The following KLF12 variants were observed in gnomAD, a reference collection of about 807,000 sequenced individuals.
KLF12 encodes KLF transcription factor 12, also known as Krueppel-like factor 12.
Under a neutral mutation model 37.8 loss-of-function variants are expected in KLF12, and 9 were observed. The ratio of observed to expected loss-of-function variants is 0.24; its 90% CI spans 0.14 to 0.42. The LOEUF is 0.42. Ranked by LOEUF, KLF12 falls within the 10% of genes least tolerant of loss-of-function variation. The pLI is 1.00. For synonymous variants in KLF12, 208 were observed against 202.1 expected (o/e 1.03, Z -0.25); for missense variants, 411 against 516.0 (o/e 0.80, Z 1.97).
chr13:73,865,344 G>A (rs979837639), intron 3 of KLF12, among the ~76,000 whole-genome samples: 1 of 152,110 alleles, frequency 6.6e-6, no homozygotes. Context: ...AAAAAGAAAA[G>A]CCCAAATTTC....
chr13:73,806,649 C>CAAAAAAAAAA (rs11482328), intron 5 of KLF12, among the ~76,000 whole-genome samples: 5 of 108,294 alleles, frequency 4.6e-5, no homozygotes, highest in African/African-American at 7.3e-5. Context: ...AAAAAACAAA[C>CAAAAAAAAAA]AAAAAAAAAA....
chr13:74,204,524 A>G, the KLF12 span, among the ~76,000 whole-genome samples: 1 of 152,064 alleles, frequency 6.6e-6, no homozygotes, highest in African/African-American at 2.4e-5. Flanking sequence ...TTTTTCCTTA[A>G]GTTTGGAAAT....
At chr13:74,096,685 T>C (rs1876005843) in intron 1 of KLF12, among the ~76,000 whole-genome samples, 1 of 152,176 alleles carries the variant, frequency 6.6e-6, no homozygotes, top group Non-Finnish European at 1.5e-5. Context: ...CCTTTTATCC[T>C]TGGTTCACAA....
At chr13:74,047,320 G>A (rs767204528) in intron 1 of KLF12, among the ~76,000 whole-genome samples, 1 of 152,176 alleles carries the variant, frequency 6.6e-6, no homozygotes, top group South Asian at 2.1e-4. Flanking sequence ...GGCCAGGCGC[G>A]GTGGCTCACC....
chr13:74,199,563 T>C, the KLF12 span, among the ~76,000 whole-genome samples: 1 of 152,128 alleles, frequency 6.6e-6, no homozygotes, highest in African/African-American at 2.4e-5. Context: ...ACATCTCAAA[T>C]ATTGGCACAC....
chr13:74,152,391 G>A, the KLF12 span, among the ~76,000 whole-genome samples: 1 of 152,018 alleles, frequency 6.6e-6, no homozygotes, highest in Non-Finnish European at 1.5e-5. Context: ...TCAAACATTA[G>A]CTTTTACCCT....
chr13:74,172,731 G>A, the KLF12 span, among the ~76,000 whole-genome samples: 1 of 152,122 alleles, frequency 6.6e-6, no homozygotes, highest in Non-Finnish European at 1.5e-5. Context: ...CATACCACAG[G>A]CAATTGGAAT....
chr13:74,104,333 C>G (rs1393144164), intron 1 of KLF12, among the ~76,000 whole-genome samples: 1 of 152,322 alleles, frequency 6.6e-6, no homozygotes, highest in African/African-American at 2.4e-5. Flanking sequence ...TACAGCTCGA[C>G]ATTTCTGCAC....
intron 5 of KLF12, among the ~76,000 whole-genome samples, chr13:73,778,373 G>C (rs960679401): frequency 2.0e-5 from 3 of 151,856 alleles, no homozygotes; most frequent in Non-Finnish European, 4.4e-5. Flanking sequence ...CTTGAGTCAG[G>C]GTCTCCCTCT....
chr13:74,093,548 A>G (rs1031777956), intron 1 of KLF12, among the ~76,000 whole-genome samples: 3 of 152,178 alleles, frequency 2.0e-5, no homozygotes, highest in African/African-American at 7.2e-5. Flanking sequence ...TGTAAACTAT[A>G]AATAACCATA....
At chr13:73,856,981 C>T (rs1364079485) in intron 3 of KLF12, among the ~76,000 whole-genome samples, 4 of 152,006 alleles carry the variant, frequency 2.6e-5, no homozygotes, top group Admixed American at 6.5e-5. Flanking sequence ...GAGTGAAACC[C>T]TGTCTCAAAA....
the KLF12 span, among the ~76,000 whole-genome samples, chr13:74,305,004 T>A: frequency 6.6e-6 from 1 of 152,136 alleles, no homozygotes; most frequent in Admixed American, 6.6e-5. Context: ...AGGTGAAAGA[T>A]GGTAACCATC....
intron 7 of KLF12, among the ~76,000 whole-genome samples, chr13:73,706,977 A>G (rs1025481212): frequency 6.6e-6 from 1 of 152,186 alleles, no homozygotes; most frequent in African/African-American, 2.4e-5. Context: ...CTCTATGTTA[A>G]TTAAAGCCTT....
the KLF12 span, among the ~76,000 whole-genome samples, chr13:74,243,110 C>T: frequency 6.6e-6 from 1 of 152,058 alleles, no homozygotes; most frequent in African/African-American, 2.4e-5. Flanking sequence ...TCCCCTTGTC[C>T]CCCACCCCTG....
At chr13:74,275,874 CTTTCTTCTTTCTTTCT>C in the KLF12 span, among the ~76,000 whole-genome samples, 5 of 84,472 alleles carry the variant, frequency 5.9e-5, no homozygotes, top group African/African-American at 1.4e-4. Flanking sequence ...TTCTATCTTT[CTTTCTTCTTTCTTTCT>C]TTCTTTCTTT....
chr13:73,689,404 G>A lies in KLF12; in HGVS notation c.*6086C>T, dbSNP rs1232681416. ...TTACCCGATGTGTGACTCTCCATGA[G>A]TATAATTTTACTGATAGCCTCAGTA... is the stretch of plus-strand genomic sequence containing the variant. On this transcript the variant is annotated 3_prime_UTR_variant, in exon 8 of 8. Coordinates refer to ENST00000377669, the MANE Select transcript of KLF12 (RefSeq NM_007249.5). 1 of 152,136 alleles carries A rather than the reference G, an allele frequency of 6.6e-6. No homozygotes were observed. Among genetic ancestry groups the A allele is most frequent in the African/African-American group, 2.4e-5 (1 of 41,424 alleles). 9.4% of individuals were successfully genotyped at this position (152,136 alleles called of 1,614,324 possible). A position where few individuals can be genotyped will look rare whatever the true frequency, so the allele number is the denominator to read the frequency against.
At chr13:74,288,673 T>C in the KLF12 span, among the ~76,000 whole-genome samples, 5 of 152,132 alleles carry the variant, frequency 3.3e-5, no homozygotes, top group African/African-American at 9.7e-5. Context: ...CCTAGACTGG[T>C]GGGTTTCAGC....
intron 1 of KLF12, among the ~76,000 whole-genome samples, chr13:74,022,676 A>C (rs1297064446): frequency 6.6e-6 from 1 of 152,030 alleles, no homozygotes; most frequent in South Asian, 2.1e-4. Flanking sequence ...TCCAAAAAAA[A>C]AAAAAAAATT....
In KLF12 at chr13:73,764,966, T is replaced by A. The variant is rs745644480; in HGVS notation, c.841A>T (p.Asn281Tyr). 1 of 1,578,536 alleles carries A rather than the reference T, an allele frequency of 6.3e-7. No individual in the cohort carries two copies. Among genetic ancestry groups the A allele is most frequent in the Admixed American group, 1.7e-5 (1 of 59,756 alleles). Reference sequence around the variant, plus strand: ...GGAAACTTTTGATTATTCATTCGATTGCCCCGGACCCTTGATACTGGGGAC... The same window carrying A: ...GGAAACTTTTGATTATTCATTCGATAGCCCCGGACCCTTGATACTGGGGAC... The change falls in exon 6 of 8, where the codon AAT (asparagine) becomes TAT (tyrosine). Residue 281 changes from asparagine to tyrosine, a missense_variant. Around this residue, in one of 2 missense-constraint regions of KLF12, gnomAD observed 351 missense variants for 397.8 expected, o/e 0.88. Coordinates refer to ENST00000377669, the MANE Select transcript of KLF12 (RefSeq NM_007249.5).
Sources: allele counts gnomAD v4.1 joint callset (sites outside exome capture counted in the v4.1 genomes callset), GRCh38; gene constraint gnomAD v4.1.1; regional missense constraint gnomAD v4.1.1; transcripts MANE v1.5; gene names NCBI Gene and HGNC (gene_info 2026-07-23, HGNC 2026-07-21).